PCDHGA1: variants seen among roughly 807,000 people sequenced by gnomAD.
PCDHGA1 encodes the protein protocadherin gamma-A1.
In PCDHGA1, 32 loss-of-function variants were observed where a neutral mutation model predicts 58.0. The ratio of observed to expected loss-of-function variants is 0.55; its 90% CI spans 0.42 to 0.74. The LOEUF (loss-of-function observed/expected upper bound fraction) is 0.74. Among genes scored for constraint, PCDHGA1 ranks in the 30% least tolerant of loss-of-function variants. PCDHGA1 has a pLI of 0.00. For synonymous variants in PCDHGA1, 498 were observed against 501.1 expected, an observed-to-expected ratio of 0.99 and a Z score of 0.08; for missense variants, 1,205 against 1,182.3, an observed-to-expected ratio of 1.02 and a Z score of -0.28.
chr5:141,364,999 C>T (rs1763663024), intron 1 of PCDHGA1: 4 of 1,613,862 alleles, frequency 2.5e-6, no homozygotes, highest in Non-Finnish European at 2.5e-6. Context: ...CGGTACTCTC[C>T]GGCACCACGC....
rs1212248484 is a variant in PCDHGA1 at position 141,393,163 on chromosome 5, T to C, written c.2421+60058T>C. ...CTGGTTGAGGATAAAGGAAAACTCT[T>C]TGGGGTAGAAATAGAAATAATTGAT... On this transcript the variant is annotated intron_variant, in intron 1 of 3. Transcript: ENST00000517417. 1.9e-6 allele frequency: 3 copies of C among 1,613,134 alleles called. No homozygotes were observed. In the Admixed American group the frequency reaches 5.0e-5, roughly 27 times the overall value.
intron 1 of PCDHGA1, among the ~76,000 whole-genome samples, chr5:141,347,835 C>T (rs1758027401): frequency 6.6e-6 from 1 of 151,100 alleles, no homozygotes; most frequent in Non-Finnish European, 1.5e-5. Context: ...ACCTATAGTG[C>T]CTGTTACATA....
intron 1 of PCDHGA1, chr5:141,339,557 C>G: frequency 6.2e-7 from 1 of 1,614,190 alleles, no homozygotes; most frequent in Non-Finnish European, 8.5e-7. Context: ...AGAACTGGTG[C>G]TGGAGCGCTC....
chr5:141,389,721 G>C (rs1477842058), intron 1 of PCDHGA1: 7 of 1,612,620 alleles, frequency 4.3e-6, no homozygotes, highest in Non-Finnish European at 5.1e-6. Context: ...TAGCGAGCCC[G>C]GGCTCTTCAG....
rs1487863444 is a variant in PCDHGA1 at position 141,491,016 on chromosome 5, G to A, written c.2422-3791G>A. On this transcript the variant is annotated intron_variant, in intron 1 of 3. Transcript: ENST00000517417. This position sits in a 1 kb window ranked among gnomAD's most constrained non-coding sequence, Gnocchi z 6.9. ...CTCCTGGCTCCTTGGTCACCAAGGTGACAGCCGTGGATGCTGATGCAGGCC... is the reference window on the plus strand; with the variant it reads ...CTCCTGGCTCCTTGGTCACCAAGGTAACAGCCGTGGATGCTGATGCAGGCC... 2.5e-6 allele frequency: 4 copies of A among 1,614,136 alleles called. No individual in the cohort carries two copies. The African/African-American group carries it at 5.3e-5, about 22-fold the overall frequency.
chr5:141,386,660 A>C (rs1300288203), intron 1 of PCDHGA1, among the ~76,000 whole-genome samples: 1 of 151,968 alleles, frequency 6.6e-6, no homozygotes, highest in Non-Finnish European at 1.5e-5. Context: ...CAAGTTCTGC[A>C]GTGTTCACAT....
At chr5:141,501,997 C>A (rs2099812238) in intron 2 of PCDHGA1, among the ~76,000 whole-genome samples, 1 of 152,128 alleles carries the variant, frequency 6.6e-6, no homozygotes, top group Non-Finnish European at 1.5e-5. Context: ...GTCTCCCTGA[C>A]AACCCGCATG....
At position 141,394,517 on chromosome 5, in the gene PCDHGA1, C is replaced by T. The variant is rs1226195225; in HGVS notation, c.2421+61412C>T. On this transcript the variant is annotated intron_variant, in intron 1 of 3. Transcript: ENST00000517417. ...CCGAGATCCTGTACCCCGCCCTCCC[C>T]ACAGACGGTTCCACTGGCGTGGAGC... 5 of 1,614,116 alleles carry T rather than the reference C, an allele frequency of 3.1e-6. No individual in the cohort carries two copies. The Admixed American group carries it at 5.0e-5, about 16-fold the overall frequency.
chr5:141,490,688 CTG>C lies in PCDHGA1; in HGVS notation c.2422-4118_2422-4117del. 6.2e-7 allele frequency: 1 copy of C among 1,614,218 alleles called. No homozygotes were observed. On this transcript the variant is annotated intron_variant, in intron 1 of 3. Coordinates refer to ENST00000517417, the MANE Select transcript of PCDHGA1 (RefSeq NM_018912.3). This position sits in a 1 kb window ranked among gnomAD's most constrained non-coding sequence, Gnocchi z 5.4. ...ACTGTGGCTGCCTCAGATCCAGACA[CTG>C]GGGATAATGCCCGCCTCACCTACTC... is the stretch of plus-strand genomic sequence containing the variant.
intron 1 of PCDHGA1, chr5:141,389,450 G>C: frequency 6.2e-7 from 1 of 1,610,530 alleles, no homozygotes; most frequent in Non-Finnish European, 8.5e-7. Context: ...ACCACGAGCA[G>C]CTGCGCGCCT....
rs774993961 is a variant in PCDHGA1, at chr5:141,365,445, A to C, written c.2421+32340A>C. The stretch of plus-strand genomic sequence containing the variant: ...ACTGTAATCGCGCTGTTTAGCGTAC[A>C]TGATGGTGATTCTGGAGAAAATGGT... On this transcript the variant is annotated intron_variant, in intron 1 of 3. Transcript: ENST00000517417. 1 of 1,613,936 alleles carries C rather than the reference A, an allele frequency of 6.2e-7. No individual in the cohort carries two copies. The highest frequency in any genetic ancestry group is 8.5e-7 in the Non-Finnish European group (1 of 1,179,910).
At chr5:141,453,029 A>G (rs1014709934) in intron 1 of PCDHGA1, among the ~76,000 whole-genome samples, 1 of 152,206 alleles carries the variant, frequency 6.6e-6, no homozygotes, top group Non-Finnish European at 1.5e-5. Context: ...TCATTAAAAT[A>G]AAGTTTGTTT....
At chr5:141,406,567 T>A (rs1270084196) in intron 1 of PCDHGA1, among the ~76,000 whole-genome samples, 2 of 152,224 alleles carry the variant, frequency 1.3e-5, no homozygotes, top group African/African-American at 4.8e-5. Context: ...TTCCAAACCC[T>A]AGTAAACCAA....
In PCDHGA1 at chr5:141,330,717, C is replaced by A; in HGVS notation, c.33C>A (p.Ser11Arg). 6.2e-7 allele frequency: 1 copy of A among 1,610,622 alleles called. No individual in the cohort carries two copies. The highest frequency in any genetic ancestry group is 8.5e-7 in the Non-Finnish European group (1 of 1,177,262). The stretch of plus-strand genomic sequence containing the variant: ...TTCAGAAAAAGCTGACTGGCTGCAG[C>A]AGGCTGATGCTTCTGTGTCTTTCTC... The part of the protein sequence containing the change: MKIQKKLTGC[S>R]RLMLLCLSLE... Residue 11 changes from serine to arginine, a missense_variant, in exon 1 of 4, where the codon AGC becomes AGA. Physicochemically the swap from Ser to Arg is moderately radical, Grantham distance 110. Transcript: ENST00000517417.
At chr5:141,403,211 G>A (rs1253134514) in intron 1 of PCDHGA1, 2 of 1,613,856 alleles carry the variant, frequency 1.2e-6, no homozygotes, top group Non-Finnish European at 1.7e-6. Flanking sequence ...CTTGGTCACC[G>A]CGGGTAGGAT....
At chr5:141,506,934 G>A (rs187503673) in intron 3 of PCDHGA1, among the ~76,000 whole-genome samples, 54 of 152,232 alleles carry the variant, frequency 3.5e-4, no homozygotes, top group African/African-American at 1.3e-3. Flanking sequence ...AAACTTTAGG[G>A]GCCTCCTGTC....
At chr5:141,372,621 T>C (rs775165911) in intron 1 of PCDHGA1, 1 of 1,614,026 alleles carries the variant, frequency 6.2e-7, no homozygotes, top group East Asian at 2.2e-5. Context: ...TCTCCCCACC[T>C]ACAGCGAAAG....
chr5:141,478,038 G>A lies in PCDHGA1; in HGVS notation c.2422-16769G>A, dbSNP rs1401384720. ...CCAGTCCAAGACACAGATTCACCCA[G>A]GCAGACTCTCACGGTCTTGATCAAA... On this transcript the variant is annotated intron_variant, in intron 1 of 3. Transcript: ENST00000517417. 8 of 1,614,006 alleles carry A rather than the reference G, an allele frequency of 5.0e-6. No homozygotes were observed. In the African/African-American group the frequency reaches 1.1e-4, roughly 22 times the overall value.
chr5:141,361,197 T>A, intron 1 of PCDHGA1: 1 of 1,613,872 alleles, frequency 6.2e-7, no homozygotes, highest in South Asian at 1.1e-5. Flanking sequence ...CAGTATCTAC[T>A]CCCCTACCGG....
Sources: allele counts gnomAD v4.1 joint callset (sites outside exome capture counted in the v4.1 genomes callset), GRCh38; gene constraint gnomAD v4.1.1; non-coding constraint Gnocchi (gnomAD v3.1); transcripts MANE v1.5; gene names NCBI Gene and HGNC (gene_info 2026-07-23, HGNC 2026-07-21).